HDAC4: variants seen among roughly 807,000 people sequenced by gnomAD.
The protein encoded by HDAC4 is histone deacetylase A.
HDAC4 carries 16 observed loss-of-function variants against 135.1 expected under a neutral mutation model. The ratio of observed to expected loss-of-function variants is 0.12; its 90% CI spans 0.08 to 0.18. HDAC4 has a LOEUF of 0.18. HDAC4 is among the 10% of genes least tolerant of loss of function. The pLI, the probability that HDAC4 is intolerant of heterozygous loss-of-function variation, is 1.00. For missense variants in HDAC4, 1,143 were observed against 1,511.8 expected (o/e 0.76, Z 4.05); for synonymous variants, 685 against 653.4 (o/e 1.05, Z -0.74).
chr2:239,213,701 G>C (rs979130639), intron 3 of HDAC4, among the ~76,000 whole-genome samples: 1 of 152,236 alleles, frequency 6.6e-6, no homozygotes. Context: ...AAGGGGAGAC[G>C]CACAGGACAG....
At chr2:239,076,871 C>T (rs1177226717) in intron 22 of HDAC4, among the ~76,000 whole-genome samples, 3 of 152,172 alleles carry the variant, frequency 2.0e-5, no homozygotes, top group East Asian at 1.9e-4. Context: ...AACCTTCTCC[C>T]GCTGGATCTC....
At position 239,400,027 on chromosome 2, in the gene HDAC4, A is replaced by G. The variant is rs1001977598; in HGVS notation, c.-220+951T>C. On this transcript the variant is annotated intron_variant, in intron 1 of 26. Coordinates refer to ENST00000543185, the MANE Select transcript of HDAC4 (RefSeq NM_001378414.1). This position sits in a 1 kb window ranked among gnomAD's most constrained non-coding sequence, Gnocchi z 4.7. Reference sequence around the variant, plus strand: ...ACTGATACGCACGGTCTCCTCCTATAACAGTGTCAAATAATTCAACGCTCA... The same window carrying G: ...ACTGATACGCACGGTCTCCTCCTATGACAGTGTCAAATAATTCAACGCTCA... Among the ~76,000 whole-genome samples the G allele has an allele frequency of 2.0e-5, 3 of 152,050 alleles. No homozygotes were observed. The highest frequency in any genetic ancestry group is 6.5e-5 in the Admixed American group (1 of 15,268).
At chr2:239,392,701 G>T (rs1159223627) in intron 1 of HDAC4, among the ~76,000 whole-genome samples, 1 of 152,188 alleles carries the variant, frequency 6.6e-6, no homozygotes, top group African/African-American at 2.4e-5. Flanking sequence ...CATGAGTCCT[G>T]GGGGTGGGTA....
intron 16 of HDAC4, among the ~76,000 whole-genome samples, chr2:239,096,826 C>T (rs1431169248): frequency 6.8e-6 from 1 of 146,440 alleles, no homozygotes; most frequent in African/African-American, 2.5e-5. Context: ...ATGCACAGAG[C>T]TGACTCAGGC....
chr2:239,253,849 G>GGGC (rs1294385511), intron 2 of HDAC4, among the ~76,000 whole-genome samples: 1 of 152,180 alleles, frequency 6.6e-6, no homozygotes, highest in East Asian at 1.9e-4. Context: ...GGGAGCCAGT[G>GGGC]GGCGGCTGCA....
intron 2 of HDAC4, among the ~76,000 whole-genome samples, chr2:239,311,475 G>A (rs1174810407): frequency 6.6e-6 from 1 of 152,164 alleles, no homozygotes; most frequent in Admixed American, 6.5e-5. Context: ...CAAGCATCCG[G>A]GAAATGTAGA....
At chr2:239,338,826 G>C (rs1372732341) in intron 2 of HDAC4, among the ~76,000 whole-genome samples, 1 of 152,146 alleles carries the variant, frequency 6.6e-6, no homozygotes, top group Non-Finnish European at 1.5e-5. Context: ...GCCACTGGTG[G>C]AGGATTCCAG....
chr2:239,398,603 C>T (rs774799106), intron 1 of HDAC4, among the ~76,000 whole-genome samples: 2 of 152,256 alleles, frequency 1.3e-5, no homozygotes, highest in East Asian at 1.9e-4. Flanking sequence ...CTGAGCCGCA[C>T]GTGGCCAGCG....
At chr2:239,143,350 G>A (rs977104265) in intron 8 of HDAC4, among the ~76,000 whole-genome samples, 1 of 152,088 alleles carries the variant, frequency 6.6e-6, no homozygotes. Context: ...AGGCTGCATT[G>A]GAGTTTGAAA....
chr2:239,114,030 T>C (rs1321360315), intron 13 of HDAC4, among the ~76,000 whole-genome samples: 1 of 152,232 alleles, frequency 6.6e-6, no homozygotes, highest in East Asian at 1.9e-4. Context: ...CACTGAGCAC[T>C]GATCCCGTGT....
chr2:239,220,164 T>C (rs1328124339), intron 3 of HDAC4, among the ~76,000 whole-genome samples: 3 of 152,070 alleles, frequency 2.0e-5, no homozygotes, highest in Non-Finnish European at 4.4e-5. Context: ...GAACCAGAAA[T>C]AAAACCAGGA....
At chr2:239,326,535 C>A (rs1056465765) in intron 2 of HDAC4, among the ~76,000 whole-genome samples, 1 of 152,026 alleles carries the variant, frequency 6.6e-6, no homozygotes, top group African/African-American at 2.4e-5. Context: ...TATTTTACCA[C>A]AATAAAAAAG....
At chr2:239,357,888 CAAAAAA>C (rs71043188) in intron 1 of HDAC4, among the ~76,000 whole-genome samples, 12 of 55,620 alleles carry the variant, frequency 2.2e-4, no homozygotes, top group African/African-American at 6.1e-4. Flanking sequence ...GCCTCTGTTC[CAAAAAA>C]AAAAAAAAAA....
intron 3 of HDAC4, among the ~76,000 whole-genome samples, chr2:239,196,932 C>G (rs974082033): frequency 6.6e-6 from 1 of 152,182 alleles, no homozygotes; most frequent in Non-Finnish European, 1.5e-5. Context: ...CCGGCCCAGA[C>G]GCTGCCTCCG....
intron 1 of HDAC4, among the ~76,000 whole-genome samples, chr2:239,366,621 T>C (rs1694234305): frequency 6.6e-6 from 1 of 152,226 alleles, no homozygotes; most frequent in Non-Finnish European, 1.5e-5. Flanking sequence ...TTCCGTTTGC[T>C]GTGAAATAAA....
chr2:239,328,589 T>G (rs1443974167), intron 2 of HDAC4, among the ~76,000 whole-genome samples: 1 of 151,796 alleles, frequency 6.6e-6, no homozygotes, highest in Non-Finnish European at 1.5e-5. Flanking sequence ...TCCATGAGAG[T>G]GGGGAGCTGG....
At chr2:239,102,493 G>A (rs894495275) in intron 16 of HDAC4, 1 of 437,216 alleles carries the variant, frequency 2.3e-6, no homozygotes, top group African/African-American at 2.0e-5. Context: ...CAGCATGCTG[G>A]CTGTGTTCCT....
At chr2:239,230,987 C>T (rs2153162138) in intron 3 of HDAC4, among the ~76,000 whole-genome samples, 1 of 152,350 alleles carries the variant, frequency 6.6e-6, no homozygotes, top group South Asian at 2.1e-4. Context: ...AAATACAGCT[C>T]CTTTGACAGT....
rs780714076 is a variant in HDAC4, at chr2:239,115,217, C to G, written c.1627G>C (p.Glu543Gln). Residue 543 changes from glutamate to glutamine, a missense_variant, in exon 13 of 27, where the codon GAG becomes CAG. Coordinates refer to ENST00000543185, the MANE Select transcript of HDAC4 (RefSeq NM_001378414.1). The surrounding 1 kb of genome is among the most constrained non-coding windows in gnomAD (Gnocchi z 6.3). The part of the protein sequence containing the change: ...ELREHQALLD[E>Q]PYLDRLPGQK... ...CCCGGCAGCCGGTCCAGGTAGGGCT[C>G]GTCCAGCAGAGCCTGGTGCTCACGG... is the stretch of plus-strand genomic sequence containing the variant. 11 of 1,612,162 alleles carry G rather than the reference C, an allele frequency of 6.8e-6. No individual in the cohort carries two copies. Among genetic ancestry groups the G allele is most frequent in the Non-Finnish European group, 9.3e-6 (11 of 1,179,826 alleles).
Sources: allele counts gnomAD v4.1 joint callset (sites outside exome capture counted in the v4.1 genomes callset), GRCh38; gene constraint gnomAD v4.1.1; non-coding constraint Gnocchi (gnomAD v3.1); transcripts MANE v1.5; gene names NCBI Gene and HGNC (gene_info 2026-07-23, HGNC 2026-07-21).